Variants in PIGU observed in about 807,000 individuals in gnomAD.
The protein encoded by PIGU is GPI-anchor transamidase component PIGU.
Under a neutral mutation model 49.9 loss-of-function variants are expected in PIGU, and 24 were observed. That is an observed-to-expected ratio of 0.48 (90% CI 0.35 to 0.68). PIGU has a LOEUF of 0.68. Among genes scored for constraint, PIGU ranks in the 30% least tolerant of loss-of-function variants. The pLI is 0.01. For synonymous variants in PIGU, 220 were observed against 205.7 expected, an observed-to-expected ratio of 1.07 and a Z score of -0.59; for missense variants, 490 against 532.6, an observed-to-expected ratio of 0.92 and a Z score of 0.79.
Position 34,581,536 on chromosome 20 carries a change from G to T in PIGU, c.1051+12C>A, listed in dbSNP as rs772150073. The T allele has an allele frequency of 6.2e-7, 1 of 1,609,882 alleles. No individual in the cohort carries two copies. The highest frequency in any genetic ancestry group is 1.1e-5 in the South Asian group (1 of 90,778). On this transcript the variant is annotated intron_variant, in intron 10 of 11. Transcript: ENST00000217446. ...GCTGACACAAATCTGTGGCAGAGGC[G>T]GGAGTACTCACATCTGTAGAGATGG...
chr20:34,647,565 T>TTTTTTTGTA (rs533247820), intron 2 of PIGU, among the ~76,000 whole-genome samples: 1 of 151,916 alleles, frequency 6.6e-6, no homozygotes, highest in Non-Finnish European at 1.5e-5. Context: ...CGGCCTAATT[T>TTTTTTTGTA]TTTTTTGTAT....
chr20:34,580,923 G>T (rs1342097592), intron 10 of PIGU, among the ~76,000 whole-genome samples: 1 of 152,140 alleles, frequency 6.6e-6, no homozygotes, highest in African/African-American at 2.4e-5. Context: ...GTCTAACTTT[G>T]CCCCTCTGCC....
At position 34,649,095 on chromosome 20, in the gene PIGU, C is replaced by T. The variant is rs369560656; in HGVS notation, c.196-3761G>A. Among the ~76,000 whole-genome samples the T allele has an allele frequency of 5.1e-4, 77 of 152,220 alleles. No homozygotes were observed. The East Asian group carries it at 7.5e-3, about 15-fold the overall frequency. ...TCTTAGCCAGGATGGTCTCAAACTC[C>T]TGACCTCGTGATCCGCCCGCCTTGG... is the stretch of plus-strand genomic sequence containing the variant. On this transcript the variant is annotated intron_variant, in intron 2 of 11. Coordinates refer to ENST00000217446, the MANE Select transcript of PIGU (RefSeq NM_080476.5).
chr20:34,589,649 CTTTTTTTTTTTTTT>C lies in PIGU; in HGVS notation c.628-1056_628-1043del, dbSNP rs34119895. On this transcript the variant is annotated intron_variant, in intron 7 of 11. Coordinates refer to ENST00000217446, the MANE Select transcript of PIGU (RefSeq NM_080476.5). The stretch of plus-strand genomic sequence containing the variant: ...TATAGGCGTGAGCCACTGCACCTGG[CTTTTTTTTTTTTTT>C]TTTTTTTTTTTGAAACAGAGTTTCG... Among the ~76,000 whole-genome samples, 29 of 53,700 alleles carry C rather than the reference CTTTTTTTTTTTTTT, an allele frequency of 5.4e-4. 1 individual carries two copies. In the East Asian group the frequency reaches 7.9e-3, roughly 15 times the overall value. 35.2% of individuals were successfully genotyped at this position (53,700 alleles called of 152,430 possible). A position where few individuals can be genotyped will look rare whatever the true frequency, so the allele number is the denominator to read the frequency against.
intron 6 of PIGU, among the ~76,000 whole-genome samples, chr20:34,623,326 G>T (rs925707096): frequency 6.6e-6 from 1 of 151,546 alleles, no homozygotes; most frequent in African/African-American, 2.4e-5. Flanking sequence ...TCCTTGCCAA[G>T]TGTGTTCTTT....
chr20:34,592,942 G>A (rs1261906641), intron 7 of PIGU, among the ~76,000 whole-genome samples: 4 of 152,008 alleles, frequency 2.6e-5, no homozygotes, highest in Non-Finnish European at 5.9e-5. Context: ...ATGGCAAAAT[G>A]ATAACTGAAG....
At chr20:34,575,324 T>A in intron 10 of PIGU, 78 bp from the exon 11 acceptor site, 1 of 1,524,518 alleles carries the variant, frequency 6.6e-7, no homozygotes, top group East Asian at 2.3e-5. Context: ...CCCCCCTGAA[T>A]GGAGAGGCCC....
intron 10 of PIGU, among the ~76,000 whole-genome samples, 164 bp from the exon 11 acceptor site, chr20:34,575,410 C>T (rs978127004): frequency 1.3e-5 from 2 of 152,180 alleles, no homozygotes; most frequent in African/African-American, 4.8e-5. Context: ...CCCCAGACTC[C>T]TCAGTCAATG....
At chr20:34,634,203 T>C (rs529299040) in intron 6 of PIGU, among the ~76,000 whole-genome samples, 1 of 152,112 alleles carries the variant, frequency 6.6e-6, no homozygotes, top group Non-Finnish European at 1.5e-5. Context: ...TCCCAAGTAG[T>C]TGGGACTACA....
intron 11 of PIGU, among the ~76,000 whole-genome samples, chr20:34,561,592 C>G (rs1402277862): frequency 6.6e-6 from 1 of 152,158 alleles, no homozygotes; most frequent in East Asian, 1.9e-4. Context: ...ACCCCATTCT[C>G]CCTGGCAGCC....
intron 8 of PIGU, among the ~76,000 whole-genome samples, chr20:34,587,906 T>C (rs1205043297): frequency 6.6e-6 from 1 of 152,224 alleles, no homozygotes; most frequent in Non-Finnish European, 1.5e-5. Flanking sequence ...TTGATGGACA[T>C]TTAGATTGAT....
chr20:34,657,893 C>T (rs1367832055), intron 1 of PIGU, among the ~76,000 whole-genome samples: 1 of 152,116 alleles, frequency 6.6e-6, no homozygotes, highest in Non-Finnish European at 1.5e-5. Context: ...ATGCTTTATA[C>T]TTAAAATTAT....
intron 4 of PIGU, among the ~76,000 whole-genome samples, chr20:34,638,478 C>G (rs1206902964): frequency 4.6e-5 from 7 of 152,192 alleles, no homozygotes; most frequent in Non-Finnish European, 1.0e-4. Context: ...ATGCCTAACA[C>G]CTGGCACAGT....
At chr20:34,628,721 C>T (rs907062399) in intron 6 of PIGU, among the ~76,000 whole-genome samples, 6 of 151,968 alleles carry the variant, frequency 3.9e-5, no homozygotes, top group African/African-American at 7.2e-5. Context: ...CATGGTGGTG[C>T]GTGCCTGTAG....
At chr20:34,584,155 A>G (rs2146708685) in intron 9 of PIGU, among the ~76,000 whole-genome samples, 1 of 152,280 alleles carries the variant, frequency 6.6e-6, no homozygotes, top group South Asian at 2.1e-4. Flanking sequence ...TGACTGGGAA[A>G]ATCATCCCAC....
chr20:34,666,141 G>A (rs529667586), intron 1 of PIGU, among the ~76,000 whole-genome samples: 11 of 152,056 alleles, frequency 7.2e-5, no homozygotes, highest in African/African-American at 1.4e-4. Flanking sequence ...AGCCAAGATC[G>A]TGCCACTGTA....
At chr20:34,589,748 C>T (rs1488265821) in intron 7 of PIGU, among the ~76,000 whole-genome samples, 2 of 149,664 alleles carry the variant, frequency 1.3e-5, no homozygotes, top group South Asian at 2.1e-4. Context: ...CTCCACCTCC[C>T]GGGTTCAAGG....
At position 34,625,950 on chromosome 20, in the gene PIGU, T is replaced by A. The variant is rs541773715; in HGVS notation, c.529+8665A>T. On this transcript the variant is annotated intron_variant, in intron 6 of 11. Coordinates refer to ENST00000217446, the MANE Select transcript of PIGU (RefSeq NM_080476.5). ...ACAAAATTAGATTAAAAAAAATACA[T>A]ATATATAATATATATATATATATAC... is the stretch of plus-strand genomic sequence containing the variant. Among the ~76,000 whole-genome samples the A allele has an allele frequency of 7.5e-4, 91 of 120,862 alleles. 1 individual carries two copies. The highest frequency in any genetic ancestry group is 3.1e-3 in the African/African-American group (90 of 29,328). The allele number at this position is 120,862 out of a possible 152,430, so 79.3% of individuals were successfully genotyped here. A position where few individuals can be genotyped will look rare whatever the true frequency, so the allele number is the denominator to read the frequency against.
chr20:34,648,511 C>T (rs1986426226), intron 2 of PIGU, among the ~76,000 whole-genome samples: 1 of 152,088 alleles, frequency 6.6e-6, no homozygotes, highest in Admixed American at 6.6e-5. Context: ...TTACTTTCCA[C>T]CTTTCTGTGT....
Sources: gnomAD v4.1 joint callset for allele counts (sites outside exome capture counted in the v4.1 genomes callset) on GRCh38, gnomAD v4.1.1 for gene constraint, MANE v1.5 for transcripts, NCBI Gene and HGNC (gene_info 2026-07-23, HGNC 2026-07-21) for gene names.